The following PBRM1 variants were observed in gnomAD, a reference collection of about 807,000 sequenced individuals.
PBRM1 encodes the protein polybromo 1.
In PBRM1, 27 loss-of-function variants were observed where a neutral mutation model predicts 194.5. The ratio of observed to expected loss-of-function variants is 0.14; its 90% CI spans 0.10 to 0.19. PBRM1 has a LOEUF of 0.19. PBRM1 is among the 10% of genes least tolerant of loss of function. PBRM1 has a pLI of 1.00. For synonymous variants in PBRM1, 655 were observed against 693.2 expected, an observed-to-expected ratio of 0.94 and a Z score of 0.87; for missense variants, 1,466 against 2,077.2, an observed-to-expected ratio of 0.71 and a Z score of 5.72.
At chr3:52,576,459 C>T (rs2153656601) in intron 22 of PBRM1, 82 bp downstream of exon 24, 1 of 1,112,232 alleles carries the variant, frequency 9.0e-7, no homozygotes, top group Non-Finnish European at 1.3e-6. Flanking sequence ...TACCTAACAC[C>T]TAGAACAGTG....
At chr3:52,653,330 C>T (rs1372793112) in intron 5 of PBRM1, among the ~76,000 whole-genome samples, 1 of 152,170 alleles carries the variant, frequency 6.6e-6, no homozygotes, top group Non-Finnish European at 1.5e-5. Flanking sequence ...TGGCTCGCGC[C>T]TGTAATCCCA....
exon 11 of PBRM1, chr3:52,634,795 C>T: frequency 1.2e-6 from 2 of 1,613,842 alleles, no homozygotes; most frequent in Non-Finnish European, 1.7e-6. Context: ...GCTTCTGACT[C>T]TCCCTCTTCA....
At chr3:52,668,821 AAAAAG>A (rs1477656357) in intron 2 of PBRM1, among the ~76,000 whole-genome samples, 176 bp from the exon 4 acceptor site, 2 of 151,766 alleles carry the variant, frequency 1.3e-5, no homozygotes, top group Admixed American at 6.6e-5. Flanking sequence ...GCAAAAAAAG[AAAAAG>A]AAAAGCAAGA....
chr3:52,603,244 T>C (rs1211236891), intron 17 of PBRM1, among the ~76,000 whole-genome samples: 1 of 152,230 alleles, frequency 6.6e-6, no homozygotes, highest in Non-Finnish European at 1.5e-5. Context: ...CTACCAATAA[T>C]ATAAAGAGGC....
At chr3:52,578,946 G>GA in intron 21 of PBRM1, 108 bp downstream of exon 23, 1 of 1,005,462 alleles carries the variant, frequency 9.9e-7, no homozygotes, top group Admixed American at 1.7e-5. Flanking sequence ...AGAAGCTGGA[G>GA]AAACTGCCAG....
rs1286245471 is a variant in PBRM1 at position 52,641,938 on chromosome 3, A to C, written c.1087+16T>G. The C allele has an allele frequency of 6.6e-7, 1 of 1,508,878 alleles. No individual in the cohort carries two copies. The highest frequency in any genetic ancestry group is 1.7e-5 in the Admixed American group (1 of 59,842). 93.5% of individuals were successfully genotyped at this position (1,508,878 alleles called of 1,614,324 possible). Reference sequence around the variant, plus strand: ...CCACTAAGAAGGCATTTCGCTAGTCAAAACCTAATGCCTACCAGCTAAAGC... The same window carrying C: ...CCACTAAGAAGGCATTTCGCTAGTCCAAACCTAATGCCTACCAGCTAAAGC... On this transcript the variant is annotated intron_variant, in intron 10 of 29. Transcript: ENST00000296302.
chr3:52,672,626 C>T (rs1385372273), intron 2 of PBRM1, among the ~76,000 whole-genome samples: 2 of 151,456 alleles, frequency 1.3e-5, no homozygotes, highest in Admixed American at 1.3e-4. Flanking sequence ...TCCCGAGTAG[C>T]TGAGATTATA....
At chr3:52,674,163 T>C (rs1162779997) in intron 2 of PBRM1, among the ~76,000 whole-genome samples, 3 of 151,084 alleles carry the variant, frequency 2.0e-5, no homozygotes, top group South Asian at 2.1e-4. Context: ...ATCAACAAAA[T>C]TGGTAAACAC....
At chr3:52,683,524 G>A (rs143381919), upstream of PBRM1, among the ~76,000 whole-genome samples, 137 of 152,166 alleles carry the variant, frequency 9.0e-4, no homozygotes, top group African/African-American at 3.1e-3. Context: ...TATTAAAAGT[G>A]CACTTAGGGC....
At chr3:52,617,608 CA>C (rs1273288681) in intron 13 of PBRM1, 70 bp from the exon 16 acceptor site, 1 of 1,040,684 alleles carries the variant, frequency 9.6e-7, no homozygotes, top group East Asian at 2.4e-5. Flanking sequence ...CGGATGACCA[CA>C]AAATAAAACA....
At position 52,606,397 on chromosome 3, in the gene PBRM1, A is replaced by T. The variant is rs562325571; in HGVS notation, c.2568-2665T>A. Among the ~76,000 whole-genome samples, 145 of 152,344 alleles carry T rather than the reference A, an allele frequency of 9.5e-4. No individual in the cohort carries two copies. The Middle Eastern group carries it at 0.017, about 18-fold the overall frequency. On this transcript the variant is annotated intron_variant, in intron 16 of 29. Coordinates refer to ENST00000296302, the Ensembl canonical transcript of PBRM1. ...TAAAGTTCATTTTATAATAGTGTAC[A>T]ATTTTAAGTATAAAAAGTGAAAATT...
intron 20 of PBRM1, chr3:52,586,150 G>A (rs902643233): frequency 4.0e-6 from 1 of 249,576 alleles, no homozygotes; most frequent in Non-Finnish European, 7.8e-6. Flanking sequence ...TGGTCAGGCT[G>A]GTCTCGAACT....
chr3:52,585,802 G>A (rs2092288407), intron 20 of PBRM1: 1 of 152,206 alleles, frequency 6.6e-6, no homozygotes, highest in African/African-American at 2.4e-5. Flanking sequence ...TGGGATTACA[G>A]GTGTGAGCCA....
intron 22 of PBRM1, among the ~76,000 whole-genome samples, chr3:52,572,629 G>T (rs898215079): frequency 6.6e-6 from 1 of 152,166 alleles, no homozygotes; most frequent in Non-Finnish European, 1.5e-5. Flanking sequence ...ACCTGCCTCA[G>T]CCTCCCAAAG....
At position 52,587,353 on chromosome 3, in the gene PBRM1, C is replaced by T; in HGVS notation, c.3123G>A (p.Lys1041=). ...CTTTGGGATTTAATGAGTTTCTTAC[C>T]TTGACAAACATGACCACACACTTGC... is the stretch of plus-strand genomic sequence containing the variant. Residue 1041 remains lysine (K), a splice_region_variant and synonymous_variant, in exon 19 of 30, where the codon AAG becomes AAA. Coordinates refer to ENST00000296302, the Ensembl canonical transcript of PBRM1. 2 of 1,602,032 alleles carry T rather than the reference C, an allele frequency of 1.2e-6. No individual in the cohort carries two copies. The highest frequency in any genetic ancestry group is 8.5e-7 in the Non-Finnish European group (1 of 1,171,916).
intron 2 of PBRM1, among the ~76,000 whole-genome samples, chr3:52,668,865 C>T (rs906264527): frequency 2.7e-5 from 4 of 150,690 alleles, no homozygotes; most frequent in East Asian, 1.9e-4. Context: ...TCAAAACATA[C>T]GTTAATGATA....
intron 3 of PBRM1, among the ~76,000 whole-genome samples, chr3:52,662,894 T>A (rs1365422972): frequency 6.6e-6 from 1 of 151,070 alleles, no homozygotes; most frequent in Non-Finnish European, 1.5e-5. Flanking sequence ...GAAAGACAAC[T>A]TAAAGGATAA....
chr3:52,582,543 G>A (rs1576083923), intron 20 of PBRM1, among the ~76,000 whole-genome samples: 1 of 151,164 alleles, frequency 6.6e-6, no homozygotes, highest in Non-Finnish European at 1.5e-5. Flanking sequence ...CCAAGTAACT[G>A]GGATTATAGG....
intron 22 of PBRM1, among the ~76,000 whole-genome samples, chr3:52,572,130 A>G (rs572848433): frequency 1.8e-4 from 20 of 110,696 alleles, no homozygotes; most frequent in East Asian, 4.1e-4. Context: ...AATATTTTTG[A>G]AAAAAAAAAA....
Sources: gnomAD v4.1 joint callset for allele counts (sites outside exome capture counted in the v4.1 genomes callset) on GRCh38, gnomAD v4.1.1 for gene constraint, MANE v1.5 for transcripts, NCBI Gene and HGNC (gene_info 2026-07-23, HGNC 2026-07-21) for gene names.